GSE1: variants seen among roughly 807,000 people sequenced by gnomAD.
GSE1 encodes genetic suppressor element 1.
In GSE1, 32 loss-of-function variants were observed where a neutral mutation model predicts 112.6. The observed-to-expected ratio is 0.28, with a 90% confidence interval of 0.21 to 0.38. The LOEUF (loss-of-function observed/expected upper bound fraction) is 0.38, where lower values mean the gene tolerates loss of function less well. Ranked by LOEUF, GSE1 falls within the 10% of genes least tolerant of loss-of-function variation. The probability of loss-of-function intolerance (pLI) is 1.00; values close to 1 mark genes in which losing one functional copy is unlikely to be tolerated. For synonymous variants in GSE1, 1,115 were observed against 735.6 expected (o/e 1.52, Z -8.35); for missense variants, 2,348 against 1,699.2 (o/e 1.38, Z -6.71).
intron 1 of GSE1, among the ~76,000 whole-genome samples, chr16:85,255,531 C>T (rs1011495865): frequency 6.6e-6 from 1 of 151,974 alleles, no homozygotes; most frequent in Admixed American, 6.6e-5. Context: ...CCTGCCTCAG[C>T]CTCCCAAGTA....
At chr16:85,354,537 C>G (rs1325862734) in intron 1 of GSE1, among the ~76,000 whole-genome samples, 1 of 152,222 alleles carries the variant, frequency 6.6e-6, no homozygotes, top group Non-Finnish European at 1.5e-5. Context: ...CTTCCGGGAG[C>G]CATCTCCACC....
chr16:85,315,931 G>T (rs555313142), intron 1 of GSE1, among the ~76,000 whole-genome samples: 1 of 152,264 alleles, frequency 6.6e-6, no homozygotes, highest in African/African-American at 2.4e-5. Context: ...CTAGTGGGAG[G>T]GGGGGTGAAG....
At chr16:85,445,335 C>T (rs1407674578) in intron 2 of GSE1, among the ~76,000 whole-genome samples, 1 of 152,230 alleles carries the variant, frequency 6.6e-6, no homozygotes, top group African/African-American at 2.4e-5. Flanking sequence ...GCGAACCCCC[C>T]CACTCTGCAA....
chr16:85,638,735 TC>T (rs1350740150), intron 2 of GSE1, among the ~76,000 whole-genome samples: 3 of 136,922 alleles, frequency 2.2e-5, no homozygotes, highest in Non-Finnish European at 4.7e-5. Context: ...CCTACGTGCC[TC>T]CCCTACCCCT....
At chr16:85,276,188 C>T (rs11149734) in intron 1 of GSE1, among the ~76,000 whole-genome samples, 22,162 of 152,304 alleles carry the variant, frequency 0.15, 2,146 homozygotes, top group East Asian at 0.37. Flanking sequence ...CTGTTGTTTC[C>T]GCCTTGCGGC....
At chr16:85,400,817 C>CTGTG (rs61563996) in intron 2 of GSE1, among the ~76,000 whole-genome samples, 142,430 of 151,168 alleles carry the variant, frequency 0.94, 67,442 homozygotes, top group Non-Finnish European at 1. Flanking sequence ...GATTTTGTGT[C>CTGTG]TGTGATTATG....
At chr16:85,442,171 C>A (rs1406298315) in intron 2 of GSE1, among the ~76,000 whole-genome samples, 3 of 152,216 alleles carry the variant, frequency 2.0e-5, no homozygotes, top group African/African-American at 7.2e-5. Context: ...TCGTTTCAGG[C>A]CTCAGCTCAG....
Position 85,372,133 on chromosome 16 carries a change from G to A in GSE1, c.2464+14490G>A, listed in dbSNP as rs200193772. 3.5e-4 allele frequency among the ~76,000 whole-genome samples: 54 copies of A among 152,278 alleles called. 1 individual carries two copies. The East Asian group carries it at 8.9e-3, about 25-fold the overall frequency. On this transcript the variant is annotated intron_variant, in intron 2 of 2. Transcript: ENST00000637419. ...CATCATGGCTGGTTTCACAGCTAGC[G>A]CGGGACTGTGGCCCGGACCCTCCAC...
chr16:85,283,067 A>G (rs1469783451), intron 1 of GSE1: 2 of 152,650 alleles, frequency 1.3e-5, no homozygotes, highest in Non-Finnish European at 2.9e-5. Flanking sequence ...CGGTAGGCGC[A>G]TGGTTTCCTG....
At chr16:85,428,289 C>G (rs1208802164) in intron 2 of GSE1, among the ~76,000 whole-genome samples, 1 of 152,184 alleles carries the variant, frequency 6.6e-6, no homozygotes, top group Admixed American at 6.5e-5. Context: ...AGGATTCCCT[C>G]GTGCCTTGGT....
chr16:85,436,638 A>T (rs2049252829), intron 2 of GSE1, among the ~76,000 whole-genome samples: 1 of 152,212 alleles, frequency 6.6e-6, no homozygotes, highest in Non-Finnish European at 1.5e-5. Flanking sequence ...CCTCCCAGAG[A>T]GTCCCGGGAG....
At position 85,665,077 on chromosome 16, in the gene GSE1, G is replaced by C; in HGVS notation, c.2707G>C (p.Ala903Pro). 3 of 1,612,834 alleles carry C rather than the reference G, an allele frequency of 1.9e-6. No individual in the cohort carries two copies. The highest frequency in any genetic ancestry group is 2.5e-6 in the Non-Finnish European group (3 of 1,179,072). Residue 903 changes from alanine to proline, a missense_variant, in exon 12 of 16, where the codon GCC (alanine) becomes CCC (proline). Physicochemically the swap from Ala to Pro is conservative, Grantham distance 27. Coordinates refer to ENST00000253458, the MANE Select transcript of GSE1 (RefSeq NM_014615.5). Reference protein sequence around the residue: ...MKQKALSAAVADSLTNSPRDS... With the variant: ...MKQKALSAAVPDSLTNSPRDS... ...GCAGAAGGCACTGTCAGCAGCAGTG[G>C]CCGACTCCTTGACAAACTCTCCGAG...
At chr16:85,213,278 A>G (rs1030207970) in intron 1 of GSE1, among the ~76,000 whole-genome samples, 3 of 151,900 alleles carry the variant, frequency 2.0e-5, no homozygotes, top group Non-Finnish European at 2.9e-5. Flanking sequence ...AAAAAAAAAA[A>G]AAAAAGAAAA....
intron 1 of GSE1, among the ~76,000 whole-genome samples, chr16:85,249,060 C>G (rs1906171806): frequency 6.6e-6 from 1 of 152,238 alleles, no homozygotes; most frequent in East Asian, 1.9e-4. Context: ...CAAGCCATGC[C>G]TGAAGGCCTC....
At chr16:85,224,301 C>CAAAAAAAAAAAAAAA (rs55755242) in intron 1 of GSE1, among the ~76,000 whole-genome samples, 2 of 38,802 alleles carry the variant, frequency 5.2e-5, no homozygotes, top group Admixed American at 4.7e-4. Context: ...ACTAAAAATA[C>CAAAAAAAAAAAAAAA]AAAAAAAAAA....
chr16:85,604,742 CAAAAAAAAAAAAA>C (rs36152099), intron 1 of GSE1, among the ~76,000 whole-genome samples: 1 of 608 alleles, frequency 1.6e-3, no homozygotes, highest in African/African-American at 2.9e-3. Context: ...GAGATTCTGT[CAAAAAAAAAAAAA>C]AAAAAAAAAA....
intron 2 of GSE1, among the ~76,000 whole-genome samples, chr16:85,403,525 C>T (rs1236093122): frequency 6.6e-6 from 1 of 152,146 alleles, no homozygotes; most frequent in Non-Finnish European, 1.5e-5. Flanking sequence ...CACAGTGGCT[C>T]ACACCTGAAA....
At chr16:85,273,839 G>T (rs1190328776) in intron 1 of GSE1, among the ~76,000 whole-genome samples, 2 of 151,364 alleles carry the variant, frequency 1.3e-5, no homozygotes, top group Non-Finnish European at 2.9e-5. Context: ...ACAGGTACCT[G>T]CCACGACACT....
intron 1 of GSE1, among the ~76,000 whole-genome samples, chr16:85,629,472 C>A (rs2049362965): frequency 6.6e-6 from 1 of 152,244 alleles, no homozygotes; most frequent in Non-Finnish European, 1.5e-5. Flanking sequence ...CATAGTCAGC[C>A]ACCCAGCCTG....
Sources: gnomAD v4.1 joint callset for allele counts (sites outside exome capture counted in the v4.1 genomes callset) on GRCh38, gnomAD v4.1.1 for gene constraint, MANE v1.5 for transcripts, NCBI Gene and HGNC (gene_info 2026-07-23, HGNC 2026-07-21) for gene names.